F8: variants seen among roughly 807,000 people sequenced by gnomAD.
F8 encodes antihemophilic factor.
A neutral mutation model predicts 140.6 loss-of-function variants in F8; 12 were observed. The ratio of observed to expected loss-of-function variants is 0.09; its 90% CI spans 0.05 to 0.14. The LOEUF (loss-of-function observed/expected upper bound fraction) is 0.14, where lower values mean the gene tolerates loss of function less well. Among genes scored for constraint, F8 ranks in the 10% least tolerant of loss-of-function variants. The pLI, the probability that F8 is intolerant of heterozygous loss-of-function variation, is 1.00. For missense variants in F8, 1,354 were observed against 1,720.7 expected, an observed-to-expected ratio of 0.79 and a Z score of 3.77; for synonymous variants, 585 against 614.6, an observed-to-expected ratio of 0.95 and a Z score of 0.71.
chrX:155,011,770 A>G (rs1213145562), intron 1 of F8, among the ~76,000 whole-genome samples: 1 of 112,668 alleles, frequency 8.9e-6, no homozygotes, highest in African/African-American at 3.2e-5. Context: ...AGATTTTTTT[A>G]AATTAAAAAA....
At chrX:154,935,980 T>C (rs1239935226) in intron 13 of F8, among the ~76,000 whole-genome samples, 2 of 54,290 alleles carry the variant, frequency 3.7e-5, no homozygotes, top group African/African-American at 9.9e-5. Context: ...AATGCCAAAG[T>C]AACACACACA....
chrX:155,019,144 T>C (rs1557287285), intron 1 of F8, among the ~76,000 whole-genome samples: 1 of 112,104 alleles, frequency 8.9e-6, no homozygotes, highest in African/African-American at 3.2e-5. Context: ...ATTCAGATGA[T>C]ACCAGCTGCT....
intron 14 of F8, among the ~76,000 whole-genome samples, chrX:154,926,782 A>G (rs782256681): frequency 8.9e-6 from 1 of 112,030 alleles, no homozygotes; most frequent in South Asian, 3.7e-4. Context: ...GGGAGTTGAT[A>G]TGTAAATTTT....
At chrX:154,845,760 T>C (rs1351060375) in intron 25 of F8, among the ~76,000 whole-genome samples, 1 of 111,988 alleles carries the variant, frequency 8.9e-6, no homozygotes, top group South Asian at 3.7e-4. Flanking sequence ...GATTCATTGA[T>C]TTTTTAAAGG....
Position 154,859,365 on chromosome X carries a change from C to T in F8, c.6900+1067G>A, listed in dbSNP as rs782704223. ...TTGCCCAGGTTGGAATGCAGTGGTG[C>T]GATCTCGGCTCACTGCAAGCTCTGC... On this transcript the variant is annotated intron_variant, in intron 25 of 25. Transcript: ENST00000360256. Among the ~76,000 whole-genome samples, 90 of 103,403 alleles carry T rather than the reference C, an allele frequency of 8.7e-4. 1 individual carries two copies. The highest frequency in any genetic ancestry group is 1.6e-3 in the Non-Finnish European group (80 of 50,975). 89.8% of individuals were successfully genotyped at this position (103,403 alleles called of 115,157 possible).
intron 3 of F8, among the ~76,000 whole-genome samples, chrX:154,996,162 C>T (rs2073616170): frequency 8.9e-6 from 1 of 112,050 alleles, no homozygotes; most frequent in African/African-American, 3.2e-5. Context: ...ACATGTAACT[C>T]TTTAAGATAT....
At chrX:154,900,795 A>G in intron 20 of F8, among the ~76,000 whole-genome samples, 1 of 111,862 alleles carries the variant, frequency 8.9e-6, no homozygotes, top group Non-Finnish European at 1.9e-5. Context: ...TGTTGCAACT[A>G]TGTTACTGCT....
rs781874936 is a variant in F8 at position 154,924,655 on chromosome X, C to T, written c.5219+3916G>A. Reference sequence around the variant, plus strand: ...GAGCCCACATTTCCCTTCTGCACTGCCCTAGCAGAGGTTCTCCATGAGGGC... The same window carrying T: ...GAGCCCACATTTCCCTTCTGCACTGTCCTAGCAGAGGTTCTCCATGAGGGC... On this transcript the variant is annotated intron_variant, in intron 14 of 25. Coordinates refer to ENST00000360256, the MANE Select transcript of F8 (RefSeq NM_000132.4). 1.2e-3 allele frequency among the ~76,000 whole-genome samples: 140 copies of T among 112,285 alleles called. 1 individual carries two copies. Among genetic ancestry groups the T allele is most frequent in the African/African-American group, 3.7e-3 (116 of 30,953 alleles).
At chrX:155,006,288 G>A (rs1479007481) in intron 1 of F8, among the ~76,000 whole-genome samples, 2 of 79,499 alleles carry the variant, frequency 2.5e-5, no homozygotes, top group African/African-American at 9.8e-5. Flanking sequence ...GAAAAGGGTG[G>A]ATGCGAAGCA....
At chrX:154,919,563 C>T (rs1312700827) in intron 14 of F8, 2 of 734,998 alleles carry the variant, frequency 2.7e-6, no homozygotes, top group African/African-American at 2.2e-5. Context: ...TCCTGGCAGA[C>T]TCTCAGAATC....
Position 154,993,231 on chromosome X carries a change from G to A in F8, c.389-83C>T. Reference sequence around the variant, plus strand: ...ATGTCAAGTTTATTGTCACCAATAGGTTCTACATAAGAAACGGACTTTCTG... The same window carrying A: ...ATGTCAAGTTTATTGTCACCAATAGATTCTACATAAGAAACGGACTTTCTG... On this transcript the variant is annotated intron_variant, in intron 3 of 25. Coordinates refer to ENST00000360256, the MANE Select transcript of F8 (RefSeq NM_000132.4). 7 of 809,816 alleles carry A rather than the reference G, an allele frequency of 8.6e-6. No individual in the cohort carries two copies. In the South Asian group the frequency reaches 1.6e-4, roughly 19 times the overall value. The allele number at this position is 809,816 out of a possible 1,213,427, so 66.7% of individuals were successfully genotyped here. A position where few individuals can be genotyped will look rare whatever the true frequency, so the allele number is the denominator to read the frequency against.
At chrX:154,906,666 A>T in intron 14 of F8, 93 bp from the exon 15 acceptor site, 3 of 837,544 alleles carry the variant, frequency 3.6e-6, no homozygotes, top group Middle Eastern at 5.6e-4. Context: ...CCTGAGAAGC[A>T]TTTTGCATAG....
At chrX:155,014,969 C>G (rs1251001179) in intron 1 of F8, among the ~76,000 whole-genome samples, 4 of 111,819 alleles carry the variant, frequency 3.6e-5, no homozygotes, top group Admixed American at 9.5e-5. Context: ...ATATCAAAAG[C>G]AATTTCAATA....
intron 9 of F8, among the ~76,000 whole-genome samples, chrX:154,965,577 A>T (rs1272682180): frequency 1.8e-5 from 2 of 110,784 alleles, no homozygotes; most frequent in Non-Finnish European, 3.8e-5. Flanking sequence ...CCTTCCTCCC[A>T]TCCTCCTTTC....
chrX:154,950,553 A>AT (rs1284420054), intron 12 of F8, among the ~76,000 whole-genome samples: 8 of 111,806 alleles, frequency 7.2e-5, no homozygotes, highest in Middle Eastern at 4.7e-3. Flanking sequence ...TTTTAAATTT[A>AT]TTTTTTAATT....
At chrX:154,926,539 C>T (rs1189114972) in intron 14 of F8, among the ~76,000 whole-genome samples, 1 of 110,753 alleles carries the variant, frequency 9.0e-6, no homozygotes, top group Admixed American at 9.6e-5. Flanking sequence ...CCACGCCTGG[C>T]TAATTTTTGT....
intron 13 of F8, among the ~76,000 whole-genome samples, chrX:154,935,871 CAGA>C (rs1309765401): frequency 1.8e-5 from 2 of 109,740 alleles, no homozygotes; most frequent in African/African-American, 3.3e-5. Flanking sequence ...AATGCAATAC[CAGA>C]AGAAGAGAAA....
At chrX:154,845,205 T>C (rs1183104178) in intron 25 of F8, among the ~76,000 whole-genome samples, 2 of 112,130 alleles carry the variant, frequency 1.8e-5, no homozygotes, top group Non-Finnish European at 3.8e-5. Flanking sequence ...AGTATTTTAT[T>C]GAGGATTTTT....
At chrX:154,861,986 C>T in intron 23 of F8, 120 bp from the exon 24 acceptor site, 1 of 837,731 alleles carries the variant, frequency 1.2e-6, no homozygotes, top group Non-Finnish European at 1.8e-6. Context: ...CAGGTTTTAA[C>T]TTTTGCACAG....
Sources: allele counts gnomAD v4.1 joint callset (sites outside exome capture counted in the v4.1 genomes callset), GRCh38; gene constraint gnomAD v4.1.1; transcripts MANE v1.5; gene names NCBI Gene and HGNC (gene_info 2026-07-23, HGNC 2026-07-21).